Variants in FBXL17 observed in about 807,000 individuals in gnomAD.
FBXL17 encodes the protein F-box/LRR-repeat protein 17.
In FBXL17, 22 loss-of-function variants were observed where a neutral mutation model predicts 66.2. The observed-to-expected ratio is 0.33, with a 90% confidence interval of 0.24 to 0.47. FBXL17 has a LOEUF of 0.47. Ranked by LOEUF, FBXL17 falls within the 20% of genes least tolerant of loss-of-function variation. The probability of loss-of-function intolerance (pLI) is 1.00; values close to 1 mark genes in which losing one functional copy is unlikely to be tolerated. For synonymous variants in FBXL17, 474 were observed against 400.5 expected (o/e 1.18, Z -2.19); for missense variants, 878 against 948.2 (o/e 0.93, Z 0.97).
chr5:108,042,108 T>C (rs1167236622), intron 6 of FBXL17, among the ~76,000 whole-genome samples: 2 of 152,156 alleles, frequency 1.3e-5, no homozygotes, highest in African/African-American at 4.8e-5. Flanking sequence ...TTGGTCAGGC[T>C]GGTCTCGAAC....
chr5:108,102,900 G>A (rs995496130), intron 6 of FBXL17, among the ~76,000 whole-genome samples: 1 of 151,924 alleles, frequency 6.6e-6, no homozygotes, highest in Non-Finnish European at 1.5e-5. Flanking sequence ...ATTTTTTTCT[G>A]CCAATAACAT....
chr5:108,033,897 A>G lies in FBXL17; in HGVS notation c.1746-12896T>C, dbSNP rs560161273. Among the ~76,000 whole-genome samples, 38 of 152,328 alleles carry G rather than the reference A, an allele frequency of 2.5e-4. 1 individual carries two copies. In the South Asian group the frequency reaches 7.5e-3, roughly 30 times the overall value. ...TTCATTAAGGAAATACACAATGACAAAAAGTAACTAGAAATTGGGTAATAT... is the reference window on the plus strand; with the variant it reads ...TTCATTAAGGAAATACACAATGACAGAAAGTAACTAGAAATTGGGTAATAT... On this transcript the variant is annotated intron_variant, in intron 6 of 8. Coordinates refer to ENST00000542267, the MANE Select transcript of FBXL17 (RefSeq NM_001163315.3).
Position 108,028,173 on chromosome 5 carries a change from A to G in FBXL17, c.1746-7172T>C, listed in dbSNP as rs570159139. The stretch of plus-strand genomic sequence containing the variant: ...AATGAATTGTAATTCTTTAGAGACC[A>G]TTCTTGTCCTGAAAAAGAGTCAGGC... On this transcript the variant is annotated intron_variant, in intron 6 of 8. Transcript: ENST00000542267. Among the ~76,000 whole-genome samples, 4 of 152,278 alleles carry G rather than the reference A, an allele frequency of 2.6e-5. 1 individual carries two copies. The South Asian group carries it at 6.2e-4, about 24-fold the overall frequency.
intron 7 of FBXL17, among the ~76,000 whole-genome samples, chr5:107,955,629 C>T (rs1580245043): frequency 6.6e-6 from 1 of 152,156 alleles, no homozygotes; most frequent in East Asian, 1.9e-4. Flanking sequence ...AACAGCCCTT[C>T]TCCATGAAAA....
chr5:108,041,329 G>A (rs10075175), intron 6 of FBXL17, among the ~76,000 whole-genome samples: 2,682 of 152,164 alleles, frequency 0.018, 96 homozygotes, highest in African/African-American at 0.061. Context: ...TTCTCATGTC[G>A]CAAGGCATTT....
chr5:107,862,523 G>A (rs964070264), intron 8 of FBXL17, among the ~76,000 whole-genome samples: 2 of 152,160 alleles, frequency 1.3e-5, no homozygotes, highest in African/African-American at 4.8e-5. Flanking sequence ...TTGCTGTGCT[G>A]TGAAGGGATT....
At chr5:108,250,500 T>G (rs1337149593) in intron 4 of FBXL17, among the ~76,000 whole-genome samples, 1 of 152,106 alleles carries the variant, frequency 6.6e-6, no homozygotes, top group African/African-American at 2.4e-5. Flanking sequence ...AATTGTGTTG[T>G]GTTTTATATA....
intron 7 of FBXL17, among the ~76,000 whole-genome samples, chr5:107,967,032 T>A (rs955771068): frequency 1.3e-5 from 2 of 152,106 alleles, no homozygotes; most frequent in South Asian, 4.1e-4. Flanking sequence ...AGTAACTTGA[T>A]CTGGCTATCA....
intron 4 of FBXL17, among the ~76,000 whole-genome samples, chr5:108,228,348 G>A (rs1387330778): frequency 6.6e-6 from 1 of 152,130 alleles, no homozygotes; most frequent in Non-Finnish European, 1.5e-5. Flanking sequence ...ATAGACTACA[G>A]GATGCAGCTA....
chr5:107,907,799 G>C (rs1749814779), intron 7 of FBXL17, among the ~76,000 whole-genome samples: 1 of 152,114 alleles, frequency 6.6e-6, no homozygotes, highest in Non-Finnish European at 1.5e-5. Flanking sequence ...GAAACAACAA[G>C]TGCTGGAGAG....
intron 4 of FBXL17, among the ~76,000 whole-genome samples, chr5:108,294,292 A>AAAATATAT (rs1758255228): frequency 6.9e-6 from 1 of 145,866 alleles, no homozygotes; most frequent in African/African-American, 2.5e-5. Context: ...GAAAAAAAAA[A>AAAATATAT]ATATATATAT....
intron 4 of FBXL17, among the ~76,000 whole-genome samples, chr5:108,346,305 A>G (rs754636313): frequency 6.6e-6 from 1 of 152,062 alleles, no homozygotes; most frequent in Non-Finnish European, 1.5e-5. Context: ...AATTACCTCA[A>G]ATTTCCAATG....
intron 2 of FBXL17, among the ~76,000 whole-genome samples, chr5:108,366,182 C>T (rs573888435): frequency 2.6e-5 from 4 of 151,990 alleles, no homozygotes; most frequent in Admixed American, 2.0e-4. Flanking sequence ...TATATAGGAA[C>T]GTCCACATCA....
chr5:108,248,440 T>C (rs1368989764), intron 4 of FBXL17, among the ~76,000 whole-genome samples: 2 of 152,030 alleles, frequency 1.3e-5, no homozygotes, highest in East Asian at 3.9e-4. Flanking sequence ...TAAAAGAACA[T>C]AACCTTAGAC....
intron 6 of FBXL17, among the ~76,000 whole-genome samples, chr5:108,029,355 G>A (rs1294509769): frequency 6.6e-6 from 1 of 152,102 alleles, no homozygotes; most frequent in African/African-American, 2.4e-5. Context: ...GCTTGAGGAA[G>A]GCAGGGACCT....
chr5:107,897,666 C>A (rs917780882), intron 7 of FBXL17, among the ~76,000 whole-genome samples: 12 of 151,864 alleles, frequency 7.9e-5, no homozygotes, highest in Admixed American at 5.9e-4. Flanking sequence ...ATTGCAAGGA[C>A]CTTTAAGGTT....
At chr5:108,187,957 T>C (rs1055844157) in intron 5 of FBXL17, among the ~76,000 whole-genome samples, 1 of 152,244 alleles carries the variant, frequency 6.6e-6, no homozygotes. Flanking sequence ...CTGTCTGATA[T>C]AGTAATCACT....
chr5:108,005,897 C>T lies in FBXL17; in HGVS notation c.1822+15028G>A, dbSNP rs552246563. ...ATCTATGTTATGTGGATCTTACCTC[C>T]TTATACTTGAGCCTTCATCTGGTGG... On this transcript the variant is annotated intron_variant, in intron 7 of 8. Coordinates refer to ENST00000542267, the MANE Select transcript of FBXL17 (RefSeq NM_001163315.3). 1.4e-3 allele frequency among the ~76,000 whole-genome samples: 220 copies of T among 152,280 alleles called. 1 individual carries two copies. The highest frequency in any genetic ancestry group is 5.0e-3 in the African/African-American group (208 of 41,564).
At chr5:108,304,959 C>G (rs1257706677) in intron 4 of FBXL17, among the ~76,000 whole-genome samples, 1 of 152,034 alleles carries the variant, frequency 6.6e-6, no homozygotes, top group Non-Finnish European at 1.5e-5. Flanking sequence ...TAGAAACTGA[C>G]TCCATTTCTC....
Sources: gnomAD v4.1 joint callset for allele counts (sites outside exome capture counted in the v4.1 genomes callset) on GRCh38, gnomAD v4.1.1 for gene constraint, MANE v1.5 for transcripts, NCBI Gene and HGNC (gene_info 2026-07-23, HGNC 2026-07-21) for gene names.